Variants in BDKRB2 observed in about 807,000 individuals in gnomAD.
BDKRB2 encodes the protein bradykinin receptor B2.
In BDKRB2, 6 loss-of-function variants were observed where a neutral mutation model predicts 4.0. That is an observed-to-expected ratio of 1.49 (90% confidence interval 0.81 to 2.93). BDKRB2 has a LOEUF of 2.93. Ranked by LOEUF, BDKRB2 falls within the 30% of genes most tolerant of loss-of-function variation. The probability of loss-of-function intolerance (pLI) is 0.00; values close to 1 mark genes in which losing one functional copy is unlikely to be tolerated. For missense variants in BDKRB2, 478 were observed against 520.1 expected (o/e 0.92, Z 0.79); for synonymous variants, 225 against 215.3 (o/e 1.05, Z -0.40).
At chr14:96,237,533 T>A (rs2139796797) in intron 2 of BDKRB2, among the ~76,000 whole-genome samples, 1 of 152,184 alleles carries the variant, frequency 6.6e-6, no homozygotes, top group South Asian at 2.1e-4. Flanking sequence ...GGAGACAAAA[T>A]ATCTCCAACA....
intron 1 of BDKRB2, among the ~76,000 whole-genome samples, chr14:96,227,385 C>CTA (rs1717844460): frequency 6.6e-6 from 1 of 152,182 alleles, no homozygotes; most frequent in Non-Finnish European, 1.5e-5. Context: ...GGAGTTAAGC[C>CTA]ACTTGTCCAA....
chr14:96,238,124 T>G, intron 2 of BDKRB2: 2 of 980,422 alleles, frequency 2.0e-6, no homozygotes, highest in Non-Finnish European at 2.4e-6. Flanking sequence ...AGCTTATCTC[T>G]GTTCCAAGAT....
intron 1 of BDKRB2, among the ~76,000 whole-genome samples, chr14:96,207,174 G>A (rs1372926310): frequency 6.6e-6 from 1 of 152,152 alleles, no homozygotes; most frequent in South Asian, 2.1e-4. Context: ...GAAAGTAGGG[G>A]CCTTGTCTAT....
At chr14:96,219,689 C>T (rs1474431281) in intron 1 of BDKRB2, among the ~76,000 whole-genome samples, 1 of 152,052 alleles carries the variant, frequency 6.6e-6, no homozygotes, top group Middle Eastern at 3.4e-3. Context: ...ATTTCCTGAG[C>T]CCCTGTCGTA....
rs1459916483 is a variant in BDKRB2, at chr14:96,242,949, A to G, written c.*1445A>G. 5 of 148,870 alleles carry G rather than the reference A, an allele frequency of 3.4e-5. No individual in the cohort carries two copies. The East Asian group carries it at 9.6e-4, about 29-fold the overall frequency. The allele number at this position is 148,870 out of a possible 1,614,324, so 9.2% of individuals were successfully genotyped here. A position where few individuals can be genotyped will look rare whatever the true frequency, so the allele number is the denominator to read the frequency against. On this transcript the variant is annotated 3_prime_UTR_variant, in exon 3 of 3. Transcript: ENST00000554311. The stretch of plus-strand genomic sequence containing the variant: ...CAGCACTCATTCACTTGATAAATGA[A>G]TATTTATTAGCTGGTTGGAGAGCTA...
In BDKRB2 at chr14:96,244,154, A is replaced by G; in HGVS notation, c.*2650A>G. 1 of 398,600 alleles carries G rather than the reference A, an allele frequency of 2.5e-6. No homozygotes were observed. Among genetic ancestry groups the G allele is most frequent in the Non-Finnish European group, 4.4e-6 (1 of 226,070 alleles). 24.7% of individuals were successfully genotyped at this position (398,600 alleles called of 1,614,324 possible). On this transcript the variant is annotated 3_prime_UTR_variant, in exon 3 of 3. Coordinates refer to ENST00000554311, the MANE Select transcript of BDKRB2 (RefSeq NM_001379692.1). ...TTCTGTAGAGCATAATAAATGGATG[A>G]GGTTTTTGCATAGCTCTAGCATTTG...
intron 1 of BDKRB2, among the ~76,000 whole-genome samples, chr14:96,218,102 AT>A (rs1448268426): frequency 1.3e-5 from 2 of 152,108 alleles, no homozygotes; most frequent in Admixed American, 1.3e-4. Flanking sequence ...CAAACCCACC[AT>A]GGCATGAGCT....
chr14:96,217,735 G>T (rs1358851288), intron 1 of BDKRB2, among the ~76,000 whole-genome samples: 1 of 151,154 alleles, frequency 6.6e-6, no homozygotes, highest in African/African-American at 2.4e-5. Context: ...TGTCTTGGGA[G>T]CCCCGAGGCA....
intron 1 of BDKRB2, among the ~76,000 whole-genome samples, chr14:96,227,834 C>T (rs1236554053): frequency 2.0e-5 from 3 of 152,218 alleles, no homozygotes; most frequent in Admixed American, 6.5e-5. Context: ...TGGGAAACTG[C>T]GTCATCAAAT....
At chr14:96,237,373 A>C (rs1055613409) in intron 2 of BDKRB2, among the ~76,000 whole-genome samples, 192 bp downstream of exon 2, 12 of 152,188 alleles carry the variant, frequency 7.9e-5, no homozygotes, top group African/African-American at 2.9e-4. Context: ...TGTTCTGCGG[A>C]ACTAGAGGAA....
At chr14:96,239,555 A>G (rs1185300726) in intron 2 of BDKRB2, 2 of 985,240 alleles carry the variant, frequency 2.0e-6, no homozygotes, top group Non-Finnish European at 2.4e-6. Flanking sequence ...GGAGTTTACC[A>G]CTGGTTATTT....
At chr14:96,212,889 C>T (rs906399878) in intron 1 of BDKRB2, among the ~76,000 whole-genome samples, 1 of 152,176 alleles carries the variant, frequency 6.6e-6, no homozygotes, top group African/African-American at 2.4e-5. Flanking sequence ...ATTCCATGGC[C>T]CCTGCCTGGG....
At position 96,241,304 on chromosome 14, in the gene BDKRB2, T is replaced by G. The variant is rs761018120; in HGVS notation, c.976T>G (p.Cys326Gly). The G allele has an allele frequency of 1.4e-5, 23 of 1,613,932 alleles. No individual in the cohort carries two copies. Among genetic ancestry groups the G allele is most frequent in the Non-Finnish European group, 1.8e-5 (21 of 1,179,968 alleles). Reference protein sequence around the residue: ...IASFMAYSNSCLNPLVYVIVG... With the variant: ...IASFMAYSNSGLNPLVYVIVG... ...CTCCTTCATGGCCTACAGCAACAGC[T>G]GCCTCAACCCACTGGTGTACGTGAT... Residue 326 changes from cysteine to glycine, a missense_variant, in exon 3 of 3, where the codon TGC becomes GGC. Cys to Gly is a radical substitution (Grantham distance 159). Coordinates refer to ENST00000554311, the MANE Select transcript of BDKRB2 (RefSeq NM_001379692.1).
At chr14:96,206,275 G>A (rs568623591) in intron 1 of BDKRB2, among the ~76,000 whole-genome samples, 42 of 152,206 alleles carry the variant, frequency 2.8e-4, no homozygotes, top group Admixed American at 1.1e-3. Flanking sequence ...GGAAGCATGC[G>A]TGCTGTCCCC....
chr14:96,204,875 G>A lies in BDKRB2; in HGVS notation c.-124G>A, dbSNP rs913986074. 3.5e-5 allele frequency: 3 copies of A among 86,722 alleles called. No individual in the cohort carries two copies. Among genetic ancestry groups the A allele is most frequent in the South Asian group, 1.5e-4 (1 of 6,622 alleles). 5.4% of individuals were successfully genotyped at this position (86,722 alleles called of 1,614,324 possible). A position where few individuals can be genotyped will look rare whatever the true frequency, so the allele number is the denominator to read the frequency against. ...GGCTTCTGGGCTCCGAGGAGGGGTG[G>A]GGACGGTGGGGACGGTGGGGACATC... On this transcript the variant is annotated 5_prime_UTR_variant, in exon 1 of 3. Coordinates refer to ENST00000554311, the MANE Select transcript of BDKRB2 (RefSeq NM_001379692.1).
At position 96,237,049 on chromosome 14, in the gene BDKRB2, A is replaced by G. The variant is rs2242958; in HGVS notation, c.-39-20A>G. On this transcript the variant is annotated intron_variant, in intron 1 of 2. Coordinates refer to ENST00000554311, the MANE Select transcript of BDKRB2 (RefSeq NM_001379692.1). ...TCCCCAGCCCCTGTGCCATCTAACC[A>G]TCTTTTCTTCTCTGTTCAGCCCAGG... 5.3e-3 allele frequency: 7,684 copies of G among 1,439,002 alleles called. 118 individuals are homozygous for G. The highest frequency in any genetic ancestry group is 0.052 in the African/African-American group (3,682 of 71,336). The allele number at this position is 1,439,002 out of a possible 1,614,324, so 89.1% of individuals were successfully genotyped here. A position where few individuals can be genotyped will look rare whatever the true frequency, so the allele number is the denominator to read the frequency against.
rs201450248 is a variant in BDKRB2, at chr14:96,242,370, G to C, written c.*866G>C. The C allele has an allele frequency of 6.6e-6, 1 of 152,206 alleles. No individual in the cohort carries two copies. The highest frequency in any genetic ancestry group is 2.1e-4 in the South Asian group (1 of 4,822). The allele number at this position is 152,206 out of a possible 1,614,324, so 9.4% of individuals were successfully genotyped here. A position where few individuals can be genotyped will look rare whatever the true frequency, so the allele number is the denominator to read the frequency against. On this transcript the variant is annotated 3_prime_UTR_variant, in exon 3 of 3. Transcript: ENST00000554311. ...GTTCCCTCTTCTGTAACATGAAGTCGTTGTGAGGGTTAAAGGCAGTAACAG... is the reference window on the plus strand; with the variant it reads ...GTTCCCTCTTCTGTAACATGAAGTCCTTGTGAGGGTTAAAGGCAGTAACAG...
chr14:96,226,471 T>A (rs896107554), intron 1 of BDKRB2, among the ~76,000 whole-genome samples: 3 of 152,044 alleles, frequency 2.0e-5, no homozygotes, highest in Non-Finnish European at 4.4e-5. Context: ...CTGACCAACA[T>A]GGAGAAACCC....
chr14:96,227,789 G>T (rs1049130698), intron 1 of BDKRB2, among the ~76,000 whole-genome samples: 1 of 152,214 alleles, frequency 6.6e-6, no homozygotes, highest in Non-Finnish European at 1.5e-5. Context: ...CAAATCAAAG[G>T]TGACTAGCAA....
Sources: allele counts gnomAD v4.1 joint callset (sites outside exome capture counted in the v4.1 genomes callset), GRCh38; gene constraint gnomAD v4.1.1; transcripts MANE v1.5; gene names NCBI Gene and HGNC (gene_info 2026-07-23, HGNC 2026-07-21).